The following CTNNA3 variants were observed in gnomAD, a reference collection of about 807,000 sequenced individuals.
The protein encoded by CTNNA3 is catenin alpha-3.
In CTNNA3, 76 loss-of-function variants were observed where a neutral mutation model predicts 95.7. That is an observed-to-expected ratio of 0.79 (90% CI 0.66 to 0.96). The LOEUF (loss-of-function observed/expected upper bound fraction) is 0.96. Among genes scored for constraint, CTNNA3 ranks in the 40% least tolerant of loss-of-function variants. CTNNA3 has a pLI of 0.00. For synonymous variants in CTNNA3, 431 were observed against 374.4 expected (o/e 1.15, Z -1.74); for missense variants, 1,191 against 1,089.8 (o/e 1.09, Z -1.31).
At chr10:66,885,030 T>C (rs1263373088) in intron 7 of CTNNA3, among the ~76,000 whole-genome samples, 2 of 152,132 alleles carry the variant, frequency 1.3e-5, no homozygotes, top group Non-Finnish European at 2.9e-5. Context: ...ATGTGATGTA[T>C]CAAAGGGCAC....
intron 5 of CTNNA3, among the ~76,000 whole-genome samples, chr10:67,470,649 A>G (rs1334591980): frequency 6.6e-6 from 1 of 152,056 alleles, no homozygotes; most frequent in Non-Finnish European, 1.5e-5. Context: ...TGCAACACAC[A>G]CACACACACA....
chr10:66,193,647 T>C (rs2131891338), intron 13 of CTNNA3, among the ~76,000 whole-genome samples: 1 of 152,320 alleles, frequency 6.6e-6, no homozygotes, highest in South Asian at 2.1e-4. Context: ...GTGAACCTTA[T>C]AGAGGCTTCC....
chr10:65,965,853 T>G (rs1459962812), intron 17 of CTNNA3, among the ~76,000 whole-genome samples: 4 of 152,162 alleles, frequency 2.6e-5, no homozygotes, highest in Admixed American at 2.6e-4. Flanking sequence ...AAAAATTTTC[T>G]CAGAAATATA....
Position 67,143,685 on chromosome 10 carries a change from T to C in CTNNA3, c.1047+36632A>G, listed in dbSNP as rs960327467. 2.6e-5 allele frequency among the ~76,000 whole-genome samples: 4 copies of C among 152,320 alleles called. No homozygotes were observed. In the South Asian group the frequency reaches 6.2e-4, roughly 24 times the overall value. On this transcript the variant is annotated intron_variant, in intron 7 of 17. Transcript: ENST00000433211. ...CTTCTAATCCACGATAACTACGTCA[T>C]GAAAATGCAGCAATTTGGTCCCATC... is the stretch of plus-strand genomic sequence containing the variant.
intron 7 of CTNNA3, among the ~76,000 whole-genome samples, chr10:66,950,998 G>T (rs2132720442): frequency 6.6e-6 from 1 of 152,034 alleles, no homozygotes; most frequent in Non-Finnish European, 1.5e-5. Context: ...TGAATAGATG[G>T]TATGCTTATT....
intron 9 of CTNNA3, among the ~76,000 whole-genome samples, chr10:66,722,377 CAAAA>C (rs34164580): frequency 7.3e-6 from 1 of 137,352 alleles, no homozygotes. Flanking sequence ...GACCCTGTCT[CAAAA>C]AAAAAAAAAA....
chr10:66,265,856 C>G (rs1037896235), intron 13 of CTNNA3, among the ~76,000 whole-genome samples: 10 of 152,014 alleles, frequency 6.6e-5, no homozygotes, highest in African/African-American at 2.4e-4. Context: ...TTTCTTTACT[C>G]CCTGTCTCTT....
At chr10:67,613,919 G>A (rs1006548136) in intron 2 of CTNNA3, among the ~76,000 whole-genome samples, 4 of 152,154 alleles carry the variant, frequency 2.6e-5, no homozygotes, top group East Asian at 1.9e-4. Flanking sequence ...TCGTGGTCTC[G>A]CTGACTTCAA....
At chr10:66,075,791 T>G (rs1213152133) in intron 14 of CTNNA3, among the ~76,000 whole-genome samples, 1 of 151,624 alleles carries the variant, frequency 6.6e-6, no homozygotes, top group African/African-American at 2.4e-5. Flanking sequence ...GTGACAGATG[T>G]GATGTTTCAG....
chr10:66,831,162 C>T (rs1270740833), intron 7 of CTNNA3, among the ~76,000 whole-genome samples: 3 of 152,110 alleles, frequency 2.0e-5, no homozygotes, highest in African/African-American at 7.2e-5. Flanking sequence ...AAATAAGTCT[C>T]TAATCTGCAG....
intron 5 of CTNNA3, among the ~76,000 whole-genome samples, chr10:67,431,559 T>C (rs1846113318): frequency 6.6e-6 from 1 of 151,916 alleles, no homozygotes. Flanking sequence ...TACTTTTAAC[T>C]ATGTAGATAC....
chr10:67,609,662 G>A (rs1298102247), intron 2 of CTNNA3, among the ~76,000 whole-genome samples: 1 of 152,124 alleles, frequency 6.6e-6, no homozygotes, highest in African/African-American at 2.4e-5. Context: ...TACAAGACTG[G>A]GGAAGGTCAA....
intron 2 of CTNNA3, among the ~76,000 whole-genome samples, chr10:67,638,352 C>A: frequency 6.6e-6 from 1 of 152,172 alleles, no homozygotes; most frequent in Admixed American, 6.6e-5. Flanking sequence ...CACCCAGATT[C>A]ATAAAGCAAG....
At chr10:66,859,220 G>A (rs1254248015) in intron 7 of CTNNA3, among the ~76,000 whole-genome samples, 3 of 151,916 alleles carry the variant, frequency 2.0e-5, no homozygotes, top group South Asian at 2.1e-4. Flanking sequence ...AGGCACTTTC[G>A]AAAAGGCAAC....
chr10:67,746,868 TG>T (rs1024669981), intron 1 of CTNNA3, among the ~76,000 whole-genome samples: 27 of 152,076 alleles, frequency 1.8e-4, no homozygotes, highest in Admixed American at 1.6e-3. Context: ...TCTGGGGAAG[TG>T]GTGGGGGCAG....
upstream of CTNNA3, among the ~76,000 whole-genome samples, chr10:67,697,461 C>T (rs1370335906): frequency 6.6e-6 from 1 of 152,138 alleles, no homozygotes; most frequent in South Asian, 2.1e-4. Context: ...ATGAGATATC[C>T]AAATTCTATC....
intron 9 of CTNNA3, among the ~76,000 whole-genome samples, chr10:66,621,992 A>C (rs1181998620): frequency 1.3e-5 from 2 of 152,134 alleles, no homozygotes. Flanking sequence ...AATTGTTTAA[A>C]ATGAGGAGAG....
At chr10:66,876,551 A>C (rs6480232) in intron 7 of CTNNA3, among the ~76,000 whole-genome samples, 65,250 of 151,968 alleles carry the variant, frequency 0.43, 14,314 homozygotes, top group Non-Finnish European at 0.46. Flanking sequence ...ATATATCCTT[A>C]TACACATTTA....
At chr10:66,186,903 G>T (rs1208496366) in intron 13 of CTNNA3, among the ~76,000 whole-genome samples, 4 of 152,116 alleles carry the variant, frequency 2.6e-5, no homozygotes, top group African/African-American at 9.7e-5. Flanking sequence ...TATAGGTAAT[G>T]TTTATTAGAA....
Sources: gnomAD v4.1 joint callset for allele counts (sites outside exome capture counted in the v4.1 genomes callset) on GRCh38, gnomAD v4.1.1 for gene constraint, MANE v1.5 for transcripts, NCBI Gene and HGNC (gene_info 2026-07-23, HGNC 2026-07-21) for gene names.